Variants in MLLT3 observed in about 807,000 individuals in gnomAD.
The protein encoded by MLLT3 is protein AF-9.
MLLT3 carries 4 observed loss-of-function variants against 53.2 expected under a neutral mutation model. That is an observed-to-expected ratio of 0.08 (90% CI 0.04 to 0.17). The LOEUF (loss-of-function observed/expected upper bound fraction) is 0.17. Ranked by LOEUF, MLLT3 falls within the 10% of genes least tolerant of loss-of-function variation. The probability of loss-of-function intolerance (pLI) is 1.00; values close to 1 mark genes in which losing one functional copy is unlikely to be tolerated. For missense variants in MLLT3, 569 were observed against 684.0 expected, an observed-to-expected ratio of 0.83 and a Z score of 1.87; for synonymous variants, 283 against 230.6, an observed-to-expected ratio of 1.23 and a Z score of -2.06.
At chr9:20,359,806 A>T (rs1312252348) in intron 8 of MLLT3, among the ~76,000 whole-genome samples, 2 of 152,248 alleles carry the variant, frequency 1.3e-5, no homozygotes, top group Non-Finnish European at 2.9e-5. Flanking sequence ...TTCGTACAGT[A>T]ACTTGAATTA....
At chr9:20,496,900 C>T (rs550454791) in intron 2 of MLLT3, among the ~76,000 whole-genome samples, 3 of 152,338 alleles carry the variant, frequency 2.0e-5, no homozygotes, top group Admixed American at 2.0e-4. Context: ...AGAGACACTT[C>T]CCCAAGAGCC....
At chr9:20,482,677 G>A (rs1376044188) in intron 2 of MLLT3, among the ~76,000 whole-genome samples, 1 of 152,130 alleles carries the variant, frequency 6.6e-6, no homozygotes, top group Non-Finnish European at 1.5e-5. Flanking sequence ...ATTCCAATAA[G>A]TCCTAAAGGA....
At chr9:20,594,512 AG>A (rs1402188106) in intron 2 of MLLT3, among the ~76,000 whole-genome samples, 1 of 152,156 alleles carries the variant, frequency 6.6e-6, no homozygotes, top group African/African-American at 2.4e-5. Flanking sequence ...TTTGAACCAG[AG>A]CAAGTCCATG....
chr9:20,552,510 T>C lies in MLLT3; in HGVS notation c.193+68144A>G, dbSNP rs184800413. On this transcript the variant is annotated intron_variant, in intron 2 of 10. Transcript: ENST00000380338. ...CTGCTAGAACATCTCCTTCCCAGTT[T>C]GTTGTTGTTATCGTTGTTGTTGTTG... Among the ~76,000 whole-genome samples the C allele has an allele frequency of 2.2e-4, 34 of 152,184 alleles. 1 individual carries two copies. The highest frequency in any genetic ancestry group is 2.1e-3 in the Admixed American group (32 of 15,266).
intron 2 of MLLT3, among the ~76,000 whole-genome samples, chr9:20,459,748 T>C (rs1824063079): frequency 6.6e-6 from 1 of 152,182 alleles, no homozygotes; most frequent in Non-Finnish European, 1.5e-5. Flanking sequence ...TTAAAGGAAA[T>C]GACTTGCTAC....
At chr9:20,508,913 G>T (rs1825450860) in intron 2 of MLLT3, among the ~76,000 whole-genome samples, 1 of 152,104 alleles carries the variant, frequency 6.6e-6, no homozygotes, top group South Asian at 2.1e-4. Flanking sequence ...AAAGAATATG[G>T]TATATGATTT....
intron 5 of MLLT3, among the ~76,000 whole-genome samples, chr9:20,367,317 T>C (rs887573086): frequency 1.3e-5 from 2 of 152,196 alleles, no homozygotes; most frequent in Admixed American, 6.5e-5. Flanking sequence ...GGTACAACAG[T>C]ATTGCACTGC....
At chr9:20,617,469 T>A (rs1820859632) in intron 2 of MLLT3, among the ~76,000 whole-genome samples, 1 of 152,134 alleles carries the variant, frequency 6.6e-6, no homozygotes, top group Non-Finnish European at 1.5e-5. Context: ...TTTCATATCA[T>A]AAATGTCAGT....
intron 5 of MLLT3, among the ~76,000 whole-genome samples, chr9:20,366,300 G>A (rs1821449593): frequency 6.6e-6 from 1 of 152,078 alleles, no homozygotes; most frequent in South Asian, 2.1e-4. Flanking sequence ...GCGGTGTTTG[G>A]TTTTCTGTTC....
intron 2 of MLLT3, among the ~76,000 whole-genome samples, chr9:20,610,558 C>T (rs1427067423): frequency 6.6e-6 from 1 of 152,038 alleles, no homozygotes; most frequent in Non-Finnish European, 1.5e-5. Context: ...TTCTAAAACC[C>T]TTTTTCTGAC....
chr9:20,569,066 T>C (rs1352439589), intron 2 of MLLT3, among the ~76,000 whole-genome samples: 1 of 152,138 alleles, frequency 6.6e-6, no homozygotes, highest in Admixed American at 6.6e-5. Context: ...CGTAACCCTA[T>C]GTGAGGGTAA....
chr9:20,412,426 A>C (rs1003106855), intron 5 of MLLT3, among the ~76,000 whole-genome samples: 4 of 152,194 alleles, frequency 2.6e-5, no homozygotes, highest in Admixed American at 6.5e-5. Context: ...CTACTGTCCT[A>C]ATCTGATCTT....
chr9:20,503,786 A>G (rs921371482), intron 2 of MLLT3, among the ~76,000 whole-genome samples: 3 of 152,214 alleles, frequency 2.0e-5, no homozygotes, highest in Admixed American at 6.5e-5. Context: ...GGAAAAAAAT[A>G]TATGCAAACC....
intron 2 of MLLT3, among the ~76,000 whole-genome samples, chr9:20,489,273 G>GT (rs1229911147): frequency 9.9e-5 from 15 of 152,118 alleles, no homozygotes; most frequent in Non-Finnish European, 1.6e-4. Flanking sequence ...AGTCAGATAG[G>GT]TTTTTTATAT....
At chr9:20,475,755 A>G (rs1361906079) in intron 2 of MLLT3, among the ~76,000 whole-genome samples, 1 of 152,122 alleles carries the variant, frequency 6.6e-6, no homozygotes, top group Non-Finnish European at 1.5e-5. Flanking sequence ...ACCTAGCTAT[A>G]CCAGGATTTG....
intron 2 of MLLT3, among the ~76,000 whole-genome samples, chr9:20,493,927 T>C (rs1179151632): frequency 6.6e-6 from 1 of 152,096 alleles, no homozygotes; most frequent in African/African-American, 2.4e-5. Flanking sequence ...TTTTAACACC[T>C]AGTCCCCATG....
chr9:20,591,602 G>C (rs1278801097), intron 2 of MLLT3, among the ~76,000 whole-genome samples: 1 of 152,138 alleles, frequency 6.6e-6, no homozygotes, highest in African/African-American at 2.4e-5. Flanking sequence ...ATAGAATATC[G>C]CGAAATGTTT....
In MLLT3 at chr9:20,353,613, T is replaced by TC. The variant is rs1821091935; in HGVS notation, c.1504-18dup. On this transcript the variant is annotated splice_polypyrimidine_tract_variant and intron_variant, in intron 9 of 10. Coordinates refer to ENST00000380338, the MANE Select transcript of MLLT3 (RefSeq NM_004529.4). ...TAGGTATGCCTGAAAGAGAAGAATGTCCCCGAAAAGGACAAGCACTTTAAG... is the reference window on the plus strand; with the variant it reads ...TAGGTATGCCTGAAAGAGAAGAATGTCCCCCGAAAAGGACAAGCACTTTAAG... 2 of 1,609,454 alleles carry TC rather than the reference T, an allele frequency of 1.2e-6. No individual in the cohort carries two copies. The highest frequency in any genetic ancestry group is 2.2e-5 in the South Asian group (2 of 90,958).
At chr9:20,347,410 T>C (rs1820904844) in intron 10 of MLLT3, among the ~76,000 whole-genome samples, 1 of 152,220 alleles carries the variant, frequency 6.6e-6, no homozygotes, top group Non-Finnish European at 1.5e-5. Flanking sequence ...CTTTGTCTTG[T>C]CATTTGGAAT....
Sources: allele counts gnomAD v4.1 joint callset (sites outside exome capture counted in the v4.1 genomes callset), GRCh38; gene constraint gnomAD v4.1.1; transcripts MANE v1.5; gene names NCBI Gene and HGNC (gene_info 2026-07-23, HGNC 2026-07-21).